The following KSR1 variants were observed in gnomAD, a reference collection of about 807,000 sequenced individuals.
The protein encoded by KSR1 is kinase suppressor of ras.
Under a neutral mutation model 92.9 loss-of-function variants are expected in KSR1, and 35 were observed. The ratio of observed to expected loss-of-function variants is 0.38; its 90% CI spans 0.29 to 0.50. The LOEUF (loss-of-function observed/expected upper bound fraction) is 0.50. KSR1 is among the 20% of genes least tolerant of loss of function. The pLI is 0.94. For synonymous variants in KSR1, 467 were observed against 472.6 expected (o/e 0.99, Z 0.15); for missense variants, 972 against 1,158.5 (o/e 0.84, Z 2.34).
rs1428468798 is a variant in KSR1, at chr17:27,623,592, A to G, written c.*200A>G. On this transcript the variant is annotated 3_prime_UTR_variant, in exon 21 of 21. Transcript: ENST00000644974. ...GCTATTTCTTAAAATGACACCACCA[A>G]CAACCAAACCTGTCATGACAGACAG... The G allele has an allele frequency of 1.6e-6, 1 of 632,344 alleles. No individual in the cohort carries two copies. Among genetic ancestry groups the G allele is most frequent in the Non-Finnish European group, 2.8e-6 (1 of 356,428 alleles). 39.2% of individuals were successfully genotyped at this position (632,344 alleles called of 1,614,324 possible).
chr17:27,532,187 G>A (rs1343358222), intron 1 of KSR1, among the ~76,000 whole-genome samples: 1 of 152,224 alleles, frequency 6.6e-6, no homozygotes, highest in Non-Finnish European at 1.5e-5. Context: ...AGATGGGTCT[G>A]GTCCTGCTAA....
intron 1 of KSR1, among the ~76,000 whole-genome samples, chr17:27,523,921 A>G (rs1208375255): frequency 6.6e-6 from 1 of 152,198 alleles, no homozygotes. Context: ...CCTGCCTGCA[A>G]GGAAGGATGG....
chr17:27,531,511 G>C (rs2070535738), intron 1 of KSR1, among the ~76,000 whole-genome samples: 1 of 152,080 alleles, frequency 6.6e-6, no homozygotes, highest in South Asian at 2.1e-4. Flanking sequence ...CCCACACTCG[G>C]ATCCGTCATG....
chr17:27,498,518 C>G lies in KSR1; in HGVS notation c.231+41644C>G, dbSNP rs539860284. On this transcript the variant is annotated intron_variant, in intron 1 of 20. Transcript: ENST00000644974. The stretch of plus-strand genomic sequence containing the variant: ...CCACTTTCCGGACAGTCCAGTGGTT[C>G]TCAAACTTTTGTCATTGTCAGCATT... 2.6e-5 allele frequency among the ~76,000 whole-genome samples: 4 copies of G among 152,284 alleles called. No homozygotes were observed. The South Asian group carries it at 8.3e-4, about 32-fold the overall frequency.
intron 10 of KSR1, among the ~76,000 whole-genome samples, chr17:27,599,472 G>A (rs1453681272): frequency 1.3e-5 from 2 of 152,168 alleles, no homozygotes; most frequent in African/African-American, 4.8e-5. Context: ...CATGAGAATC[G>A]CTTGAACCCA....
At position 27,582,996 on chromosome 17, in the gene KSR1, C is replaced by A. The variant is rs763126220; in HGVS notation, c.871C>A (p.Pro291Thr). The change falls in exon 4 of 21, where the codon CCA (proline) becomes ACA (threonine). Residue 291 changes from proline (P) to threonine (T), a missense_variant. Coordinates refer to ENST00000644974, the MANE Select transcript of KSR1 (RefSeq NM_001394583.1). The stretch of plus-strand genomic sequence containing the variant: ...GCTGAAGCCACCACGGACGCCCCCC[C>A]CACCCAGCCGCAAGGTCTTCCAGCT... ...TKLKPPRTPP[P>T]PSRKVFQLLP... 3.7e-5 allele frequency: 59 copies of A among 1,609,148 alleles called. No individual in the cohort carries two copies. Among genetic ancestry groups the A allele is most frequent in the Middle Eastern group, 1.6e-4 (1 of 6,074 alleles).
rs144164463 is a variant in KSR1 at position 27,571,463 on chromosome 17, C to CCT, written c.373-6015_373-6014dup. Among the ~76,000 whole-genome samples the CCT allele has an allele frequency of 9.2e-5, 14 of 152,016 alleles. No individual in the cohort carries two copies. The South Asian group carries it at 1.7e-3, about 18-fold the overall frequency. ...GCCATAGAAACCTTCTCCACTTGCT[C>CCT]CTCTCTCTCTCTCTCCTTCCAGCCC... On this transcript the variant is annotated intron_variant, in intron 2 of 20. Coordinates refer to ENST00000644974, the MANE Select transcript of KSR1 (RefSeq NM_001394583.1).
At chr17:27,596,012 C>T (rs1487519211) in intron 9 of KSR1, among the ~76,000 whole-genome samples, 2 of 152,200 alleles carry the variant, frequency 1.3e-5, no homozygotes, top group Admixed American at 6.5e-5. Flanking sequence ...CAAACTTCAT[C>T]AAAGCTGAAA....
At chr17:27,478,621 G>A (rs1186532379) in intron 1 of KSR1, among the ~76,000 whole-genome samples, 1 of 152,100 alleles carries the variant, frequency 6.6e-6, no homozygotes, top group African/African-American at 2.4e-5. Context: ...CATCCTGTCT[G>A]TGGCTTCAGA....
intron 1 of KSR1, among the ~76,000 whole-genome samples, chr17:27,496,760 C>G (rs979860550): frequency 6.6e-6 from 1 of 152,206 alleles, no homozygotes; most frequent in Non-Finnish European, 1.5e-5. Flanking sequence ...ACCTGCCAAA[C>G]GCAGGGCCTC....
At position 27,487,058 on chromosome 17, in the gene KSR1, G is replaced by T. The variant is rs537525219; in HGVS notation, c.231+30184G>T. 2.6e-4 allele frequency among the ~76,000 whole-genome samples: 40 copies of T among 152,316 alleles called. No individual in the cohort carries two copies. The South Asian group carries it at 6.4e-3, about 24-fold the overall frequency. ...AGAAAGCTGTAAAAGAATATAGAAT[G>T]AAAGAGTAAACCTCCCTTATACTGT... is the stretch of plus-strand genomic sequence containing the variant. On this transcript the variant is annotated intron_variant, in intron 1 of 20. Coordinates refer to ENST00000644974, the MANE Select transcript of KSR1 (RefSeq NM_001394583.1).
At chr17:27,491,364 T>C (rs907298862) in intron 1 of KSR1, among the ~76,000 whole-genome samples, 1 of 119,942 alleles carries the variant, frequency 8.3e-6, no homozygotes, top group Non-Finnish European at 1.7e-5. Flanking sequence ...GGGGGTGGGG[T>C]AGGGGCGGGG....
chr17:27,507,733 C>T (rs917338130), intron 1 of KSR1, among the ~76,000 whole-genome samples: 2 of 151,564 alleles, frequency 1.3e-5, no homozygotes, highest in African/African-American at 2.4e-5. Flanking sequence ...TGAGCCACCA[C>T]GCCTGGCTAA....
Position 27,610,123 on chromosome 17 carries a change from T to C in KSR1, c.2282T>C (p.Ile761Thr). The C allele has an allele frequency of 1.9e-6, 3 of 1,613,990 alleles. No individual in the cohort carries two copies. Among genetic ancestry groups the C allele is most frequent in the Non-Finnish European group, 2.5e-6 (3 of 1,179,858 alleles). ...TGGCTGTGCTATCTGGCCCCTGAGA[T>C]TGTACGCGAGATGACCCCCGGGAAG... The part of the protein sequence containing the change: ...HDWLCYLAPE[I>T]VREMTPGKDE... The change falls in exon 17 of 21, where the codon ATT becomes ACT. Residue 761 changes from isoleucine to threonine, a missense_variant. Physicochemically the swap from Ile to Thr is moderately conservative, Grantham distance 89. Around this residue, in one of 5 missense-constraint regions of KSR1, gnomAD observed 260 missense variants for 375.2 expected, o/e 0.69. Coordinates refer to ENST00000644974, the MANE Select transcript of KSR1 (RefSeq NM_001394583.1).
chr17:27,554,502 C>G (rs951994245), intron 2 of KSR1, among the ~76,000 whole-genome samples: 1 of 152,172 alleles, frequency 6.6e-6, no homozygotes, highest in Non-Finnish European at 1.5e-5. Context: ...GGAGCACAAA[C>G]CCTGTTGTGA....
intron 1 of KSR1, among the ~76,000 whole-genome samples, chr17:27,467,776 C>CCAT (rs1244164316): frequency 6.6e-6 from 1 of 151,378 alleles, no homozygotes; most frequent in Non-Finnish European, 1.5e-5. Flanking sequence ...TCCCTGTGCT[C>CCAT]CATCAGGTGA....
chr17:27,464,549 T>G (rs1421446652), intron 1 of KSR1, among the ~76,000 whole-genome samples: 1 of 152,048 alleles, frequency 6.6e-6, no homozygotes, highest in Non-Finnish European at 1.5e-5. Context: ...AGTGAGACCC[T>G]GTCTCTACAA....
intron 1 of KSR1, among the ~76,000 whole-genome samples, chr17:27,540,671 T>A (rs955548318): frequency 2.0e-5 from 3 of 152,194 alleles, no homozygotes; most frequent in African/African-American, 7.2e-5. Flanking sequence ...TGCCCCACTT[T>A]CCCTGTGTGC....
chr17:27,529,274 A>G (rs954196777), intron 1 of KSR1, among the ~76,000 whole-genome samples: 2 of 152,186 alleles, frequency 1.3e-5, no homozygotes, highest in Non-Finnish European at 1.5e-5. Flanking sequence ...GTACACTGTT[A>G]AAAGGGACTT....
Sources: gnomAD v4.1 joint callset for allele counts (sites outside exome capture counted in the v4.1 genomes callset) on GRCh38, gnomAD v4.1.1 for gene constraint, gnomAD v4.1.1 regional missense constraint, MANE v1.5 for transcripts, NCBI Gene and HGNC (gene_info 2026-07-23, HGNC 2026-07-21) for gene names.